Variants in TMEM245 observed in about 807,000 individuals in gnomAD.
TMEM245 encodes protein CG-2.
TMEM245 carries 69 observed loss-of-function variants against 101.2 expected under a neutral mutation model. That is an observed-to-expected ratio of 0.68 (90% CI 0.56 to 0.83). The LOEUF (loss-of-function observed/expected upper bound fraction) is 0.83. Among genes scored for constraint, TMEM245 ranks in the 40% least tolerant of loss-of-function variants. TMEM245 has a pLI of 0.00. For missense variants in TMEM245, 1,075 were observed against 1,092.8 expected, an observed-to-expected ratio of 0.98 and a Z score of 0.23; for synonymous variants, 537 against 449.8, an observed-to-expected ratio of 1.19 and a Z score of -2.45.
chr9:109,063,014 T>A (rs1487156231), intron 10 of TMEM245, among the ~76,000 whole-genome samples: 2 of 152,090 alleles, frequency 1.3e-5, no homozygotes, highest in African/African-American at 4.8e-5. Flanking sequence ...ACACAAGTAC[T>A]GTTGGTGGTG....
chr9:109,048,451 G>T (rs541935708), intron 14 of TMEM245, among the ~76,000 whole-genome samples: 91 of 151,600 alleles, frequency 6.0e-4, no homozygotes, highest in African/African-American at 2.2e-3. Context: ...AAAAAATCAA[G>T]ATTTCTGTGG....
intron 5 of TMEM245, among the ~76,000 whole-genome samples, chr9:109,089,741 G>C (rs1829944612): frequency 1.3e-5 from 2 of 152,096 alleles, no homozygotes; most frequent in Admixed American, 6.5e-5. Flanking sequence ...AAACAATAGA[G>C]GTGGGCCTTA....
chr9:109,083,916 A>AAAAAAAAAAAAAC lies in TMEM245; in HGVS notation c.1344+2080_1344+2081insGTTTTTTTTTTTT, dbSNP rs1554725098. Among the ~76,000 whole-genome samples, 680 of 132,512 alleles carry AAAAAAAAAAAAAC rather than the reference A, an allele frequency of 5.1e-3. 49 individuals are homozygous for AAAAAAAAAAAAAC. The highest frequency in any genetic ancestry group is 0.013 in the East Asian group (50 of 3,922). 86.9% of individuals were successfully genotyped at this position (132,512 alleles called of 152,430 possible). On this transcript the variant is annotated intron_variant, in intron 7 of 17. Transcript: ENST00000374586. The stretch of plus-strand genomic sequence containing the variant: ...ACTAAAAATACAAAAAAAAAAAAAA[A>AAAAAAAAAAAAAC]AAAAAAAAAAAAACACCAGGCATGG...
chr9:109,073,401 C>T lies in TMEM245; in HGVS notation c.1487G>A (p.Ser496Asn). 1 of 1,612,838 alleles carries T rather than the reference C, an allele frequency of 6.2e-7. No homozygotes were observed. The highest frequency in any genetic ancestry group is 8.5e-7 in the Non-Finnish European group (1 of 1,179,556). Residue 496 changes from serine (S) to asparagine (N), a missense_variant, in exon 9 of 18, where the codon AGT becomes AAT. Coordinates refer to ENST00000374586, the MANE Select transcript of TMEM245 (RefSeq NM_032012.4). The stretch of plus-strand genomic sequence containing the variant: ...TGCTAGAGTTTCATTAATCAAATTA[C>T]TTGTGACTTCAATCATGTGTACACT... Reference protein sequence around the residue: ...QESVHMIEVTSNLINETLANH... With the variant: ...QESVHMIEVTNNLINETLANH...
chr9:109,077,583 C>T (rs1829547933), intron 8 of TMEM245, among the ~76,000 whole-genome samples: 1 of 152,128 alleles, frequency 6.6e-6, no homozygotes, highest in Non-Finnish European at 1.5e-5. Context: ...TGTTGGATTT[C>T]ATGTATTTTA....
chr9:109,104,125 T>C (rs908660758), intron 3 of TMEM245, among the ~76,000 whole-genome samples: 4 of 152,034 alleles, frequency 2.6e-5, no homozygotes, highest in African/African-American at 9.7e-5. Flanking sequence ...AGACCTAGTA[T>C]TTGATAGCAT....
chr9:109,110,956 G>A (rs999352518), intron 1 of TMEM245, among the ~76,000 whole-genome samples: 4 of 152,060 alleles, frequency 2.6e-5, no homozygotes, highest in African/African-American at 9.7e-5. Flanking sequence ...TACAATACTC[G>A]TATCAGGGAA....
chr9:109,049,367 C>A (rs984471003), intron 14 of TMEM245, among the ~76,000 whole-genome samples: 3 of 152,156 alleles, frequency 2.0e-5, no homozygotes, highest in African/African-American at 7.2e-5. Flanking sequence ...TTTCACACCA[C>A]CATGCCTGGC....
chr9:109,041,090 T>C (rs889164137), intron 14 of TMEM245, among the ~76,000 whole-genome samples: 3 of 152,112 alleles, frequency 2.0e-5, no homozygotes, highest in African/African-American at 7.2e-5. Flanking sequence ...TCACCACATA[T>C]CTCCTCAAGG....
chr9:109,119,680 C>T lies in TMEM245; in HGVS notation c.234G>A (p.Glu78=), dbSNP rs751289148. ...GAAVLVYFIL[E]AFLRPLLWAV... ...CCCAGAGCAGCGGCCGCAGGAAGGC[C>T]TCCAGGATGAAGTAGACCAGCACCG... Residue 78 remains glutamate (E), a synonymous_variant, in exon 1 of 18, where the codon GAG becomes GAA. Transcript: ENST00000374586. 3 of 1,556,770 alleles carry T rather than the reference C, an allele frequency of 1.9e-6. No individual in the cohort carries two copies. Among genetic ancestry groups the T allele is most frequent in the Non-Finnish European group, 2.6e-6 (3 of 1,153,380 alleles).
At chr9:109,050,977 A>G (rs1344489741) in intron 12 of TMEM245, among the ~76,000 whole-genome samples, 1 of 152,100 alleles carries the variant, frequency 6.6e-6, no homozygotes, top group African/African-American at 2.4e-5. Flanking sequence ...GCTAAATTTA[A>G]AAAACAGGAT....
At chr9:109,034,667 A>G (rs1828065258) in intron 16 of TMEM245, among the ~76,000 whole-genome samples, 1 of 151,958 alleles carries the variant, frequency 6.6e-6, no homozygotes, top group Non-Finnish European at 1.5e-5. Flanking sequence ...GCTGGTCTTG[A>G]GCTCCTGGGC....
rs1019358042 is a variant in TMEM245 at position 109,086,861 on chromosome 9, C to T, written c.1320+312G>A. On this transcript the variant is annotated intron_variant, in intron 6 of 17. Transcript: ENST00000374586. Reference sequence around the variant, plus strand: ...AATATTCACTAAACTGAGCCACTACCTAGCTACATAATTTTAGGCAAGTCG... The same window carrying T: ...AATATTCACTAAACTGAGCCACTACTTAGCTACATAATTTTAGGCAAGTCG... 2.0e-5 allele frequency among the ~76,000 whole-genome samples: 3 copies of T among 152,314 alleles called. No individual in the cohort carries two copies. In the South Asian group the frequency reaches 6.2e-4, roughly 32 times the overall value.
intron 2 of TMEM245, among the ~76,000 whole-genome samples, chr9:109,106,936 A>G (rs1253606592): frequency 6.6e-6 from 1 of 152,184 alleles, no homozygotes; most frequent in Admixed American, 6.5e-5. Context: ...ACTTCACCCC[A>G]GAATGACCAG....
At chr9:109,073,552 C>T (rs985892864) in intron 8 of TMEM245, 114 bp from the exon 9 acceptor site, 10 of 731,956 alleles carry the variant, frequency 1.4e-5, no homozygotes, top group African/African-American at 8.9e-5. Context: ...AAATACACAT[C>T]TTTGCTTTAA....
rs367627454 is a variant in TMEM245, at chr9:109,020,477, T to C, written c.2623A>G (p.Lys875Glu). The C allele has an allele frequency of 6.2e-7, 1 of 1,614,108 alleles. No homozygotes were observed. The highest frequency in any genetic ancestry group is 8.5e-7 in the Non-Finnish European group (1 of 1,179,988). The change falls in exon 18 of 18, where the codon AAA becomes GAA. Residue 875 changes from lysine (K) to glutamate (E), a missense_variant. Physicochemically the swap from Lys to Glu is moderately conservative, Grantham distance 56. This residue lies in a region of TMEM245 where 267 missense variants were observed against 351.3 expected (regional missense o/e 0.76). Coordinates refer to ENST00000374586, the MANE Select transcript of TMEM245 (RefSeq NM_032012.4). ...AAACCACATCAACCTACTGAAGATT[T>C]CAGATCTTCAGAAATGTCACGGAAA... The part of the protein sequence containing the change: ...RTFRDISEDL[K>E]SSVG
chr9:109,086,434 T>C (rs1343464750), intron 6 of TMEM245, among the ~76,000 whole-genome samples: 1 of 152,214 alleles, frequency 6.6e-6, no homozygotes, highest in Non-Finnish European at 1.5e-5. Context: ...CATGACCCTA[T>C]GAACAGTGAG....
At chr9:109,044,762 G>GTTTT (rs5899833) in intron 14 of TMEM245, among the ~76,000 whole-genome samples, 2 of 136,064 alleles carry the variant, frequency 1.5e-5, no homozygotes, top group Non-Finnish European at 3.2e-5. Context: ...TATCATTTTG[G>GTTTT]TTTTTTTTTT....
chr9:109,029,619 A>C (rs1403931637), intron 17 of TMEM245, among the ~76,000 whole-genome samples: 1 of 152,222 alleles, frequency 6.6e-6, no homozygotes, highest in African/African-American at 2.4e-5. Context: ...TTTCCCGAAA[A>C]TCTATAAGAG....
Sources: allele counts gnomAD v4.1 joint callset (sites outside exome capture counted in the v4.1 genomes callset), GRCh38; gene constraint gnomAD v4.1.1; regional missense constraint gnomAD v4.1.1; transcripts MANE v1.5; gene names NCBI Gene and HGNC (gene_info 2026-07-23, HGNC 2026-07-21).